The following DCDC1 variants were observed in gnomAD, a reference collection of about 807,000 sequenced individuals.
The protein encoded by DCDC1 is doublecortin domain-containing protein 1.
A neutral mutation model predicts 178.3 loss-of-function variants in DCDC1; 200 were observed. That is an observed-to-expected ratio of 1.12 (90% CI 1.00 to 1.26). The LOEUF (loss-of-function observed/expected upper bound fraction) is 1.26, where lower values mean the gene tolerates loss of function less well. Among genes scored for constraint, DCDC1 ranks in the 50% most tolerant of loss-of-function variants. DCDC1 has a pLI of 0.00. For synonymous variants in DCDC1, 690 were observed against 604.8 expected (o/e 1.14, Z -2.07); for missense variants, 1,983 against 1,749.2 (o/e 1.13, Z -2.38).
rs1331537426 is a variant in DCDC1, at chr11:31,206,556, G to A, written c.1221+34894C>T. 2.0e-5 allele frequency among the ~76,000 whole-genome samples: 3 copies of A among 152,254 alleles called. No homozygotes were observed. The East Asian group carries it at 5.8e-4, about 29-fold the overall frequency. Reference sequence around the variant, plus strand: ...AGCCTCCGGAGTAGCTGGGATTACAGGCATGCGCCACCACGCCCTGCTATT... The same window carrying A: ...AGCCTCCGGAGTAGCTGGGATTACAAGCATGCGCCACCACGCCCTGCTATT... On this transcript the variant is annotated intron_variant, in intron 9 of 38. Transcript: ENST00000684477.
At chr11:30,872,878 A>C (rs1941714561) in intron 38 of DCDC1, among the ~76,000 whole-genome samples, 1 of 151,772 alleles carries the variant, frequency 6.6e-6, no homozygotes, top group Admixed American at 6.6e-5. Flanking sequence ...TTAACTTCTA[A>C]ATGCCTCTCC....
chr11:31,329,862 G>A (rs1260396730), intron 2 of DCDC1, among the ~76,000 whole-genome samples: 6 of 152,148 alleles, frequency 3.9e-5, no homozygotes, highest in East Asian at 3.8e-4. Flanking sequence ...ATAAACATAC[G>A]TGTACATGTG....
intron 9 of DCDC1, among the ~76,000 whole-genome samples, chr11:31,169,208 G>A (rs1199515253): frequency 6.6e-6 from 1 of 152,102 alleles, no homozygotes; most frequent in Non-Finnish European, 1.5e-5. Context: ...ACAGAGAGGG[G>A]AACAACATAC....
At chr11:31,103,535 A>T in intron 14 of DCDC1, 109 bp downstream of exon 14, 1 of 574,868 alleles carries the variant, frequency 1.7e-6, no homozygotes. Flanking sequence ...ATTTAAGACA[A>T]CTGAAAGAGC....
chr11:31,264,180 A>G (rs1944986464), intron 8 of DCDC1, among the ~76,000 whole-genome samples: 1 of 152,176 alleles, frequency 6.6e-6, no homozygotes, highest in East Asian at 1.9e-4. Context: ...TGGTATTACA[A>G]CAAAGATAGT....
intron 21 of DCDC1, among the ~76,000 whole-genome samples, chr11:30,934,223 A>AC (rs1198564816): frequency 6.6e-6 from 1 of 152,100 alleles, no homozygotes; most frequent in Non-Finnish European, 1.5e-5. Context: ...TTATTAGGCG[A>AC]CCCCCTAGGG....
intron 2 of DCDC1, among the ~76,000 whole-genome samples, chr11:31,333,301 A>G (rs913024060): frequency 1.7e-4 from 26 of 152,144 alleles, no homozygotes; most frequent in African/African-American, 6.0e-4. Context: ...GGGTCTCCTG[A>G]ATACAGCACT....
At chr11:31,060,521 GAA>G (rs1565233196) in intron 20 of DCDC1, among the ~76,000 whole-genome samples, 2 of 152,016 alleles carry the variant, frequency 1.3e-5, no homozygotes, top group African/African-American at 4.8e-5. Flanking sequence ...GCAATATTCT[GAA>G]GTTTATATTT....
At chr11:31,012,312 A>G (rs193223527) in intron 20 of DCDC1, among the ~76,000 whole-genome samples, 48 of 152,300 alleles carry the variant, frequency 3.2e-4, no homozygotes, top group African/African-American at 1.1e-3. Context: ...AAAAACTGAA[A>G]ATAGGCTGGG....
chr11:31,223,028 C>A (rs1974463971), intron 9 of DCDC1, among the ~76,000 whole-genome samples: 1 of 152,022 alleles, frequency 6.6e-6, no homozygotes, highest in Admixed American at 6.6e-5. Context: ...ATTGAAATAT[C>A]AAACATTAAA....
chr11:30,870,959 C>T (rs949317072), intron 38 of DCDC1, among the ~76,000 whole-genome samples: 2 of 152,148 alleles, frequency 1.3e-5, no homozygotes, highest in African/African-American at 4.8e-5. Flanking sequence ...CTAACAATGC[C>T]ATGTCCACAG....
intron 20 of DCDC1, among the ~76,000 whole-genome samples, chr11:31,058,486 T>C (rs1437643069): frequency 6.6e-6 from 1 of 151,736 alleles, no homozygotes; most frequent in Non-Finnish European, 1.5e-5. Flanking sequence ...TGAAGAAAAA[T>C]AAAGCAGGGA....
At chr11:31,033,325 T>C (rs1293140314) in intron 20 of DCDC1, among the ~76,000 whole-genome samples, 3 of 152,138 alleles carry the variant, frequency 2.0e-5, no homozygotes, top group Non-Finnish European at 4.4e-5. Flanking sequence ...TATATTTATT[T>C]ATATACTCTG....
At chr11:30,999,135 G>C (rs1349576727) in intron 20 of DCDC1, among the ~76,000 whole-genome samples, 1 of 152,172 alleles carries the variant, frequency 6.6e-6, no homozygotes, top group South Asian at 2.1e-4. Context: ...AACTGTCATA[G>C]ATTAGAGGAG....
chr11:31,065,203 C>A (rs764139706), intron 18 of DCDC1, 50 bp from the exon 19 acceptor site: 7 of 626,628 alleles, frequency 1.1e-5, no homozygotes, highest in African/African-American at 7.3e-5. Flanking sequence ...TAAACAATAG[C>A]CAAAAATCCA....
chr11:31,058,822 C>A (rs1590906175), intron 20 of DCDC1, among the ~76,000 whole-genome samples: 1 of 152,160 alleles, frequency 6.6e-6, no homozygotes, highest in Middle Eastern at 3.4e-3. Context: ...TGACAGCTTG[C>A]ACTCTGGTCT....
In DCDC1 at chr11:31,073,387, G is replaced by GAA. The variant is rs78332890; in HGVS notation, c.2298+4476_2298+4477dup. On this transcript the variant is annotated intron_variant, in intron 18 of 38. Transcript: ENST00000684477. The stretch of plus-strand genomic sequence containing the variant: ...GGATATGAAGGCACCTAAATTTGGG[G>GAA]AAAAAAAATGAGAAAGTACACTTAA... Among the ~76,000 whole-genome samples, 5 of 151,874 alleles carry GAA rather than the reference G, an allele frequency of 3.3e-5. No homozygotes were observed. The East Asian group carries it at 9.7e-4, about 29-fold the overall frequency.
At chr11:31,342,429 T>C (rs147690167) in intron 1 of DCDC1, among the ~76,000 whole-genome samples, 1 of 152,274 alleles carries the variant, frequency 6.6e-6, no homozygotes, top group Non-Finnish European at 1.5e-5. Flanking sequence ...AATGAAATGG[T>C]GAACTTGGAA....
At chr11:31,183,849 T>C (rs1386874480) in intron 9 of DCDC1, among the ~76,000 whole-genome samples, 1 of 152,138 alleles carries the variant, frequency 6.6e-6, no homozygotes, top group East Asian at 1.9e-4. Flanking sequence ...ATCGTGAAAA[T>C]GGCCATACTG....
Sources: allele counts gnomAD v4.1 joint callset (sites outside exome capture counted in the v4.1 genomes callset), GRCh38; gene constraint gnomAD v4.1.1; transcripts MANE v1.5; gene names NCBI Gene and HGNC (gene_info 2026-07-23, HGNC 2026-07-21).